Variants in PPM1L observed in about 807,000 individuals in gnomAD.
The protein encoded by PPM1L is protein phosphatase, Mg2+/Mn2+ dependent 1L.
A neutral mutation model predicts 31.4 loss-of-function variants in PPM1L; 13 were observed. That is an observed-to-expected ratio of 0.41 (90% CI 0.27 to 0.66). The LOEUF (loss-of-function observed/expected upper bound fraction) is 0.66, where lower values mean the gene tolerates loss of function less well. Ranked by LOEUF, PPM1L falls within the 30% of genes least tolerant of loss-of-function variation. The pLI, the probability that PPM1L is intolerant of heterozygous loss-of-function variation, is 0.29. For synonymous variants in PPM1L, 184 were observed against 175.4 expected (o/e 1.05, Z -0.39); for missense variants, 326 against 453.7 (o/e 0.72, Z 2.56).
At chr3:160,969,659 C>G (rs933981295) in intron 2 of PPM1L, among the ~76,000 whole-genome samples, 4 of 152,166 alleles carry the variant, frequency 2.6e-5, no homozygotes, top group Admixed American at 2.0e-4. Context: ...TTTATATCTT[C>G]AATCAGGACC....
chr3:160,960,219 A>C (rs1715907448), intron 1 of PPM1L, among the ~76,000 whole-genome samples: 1 of 152,318 alleles, frequency 6.6e-6, no homozygotes, highest in African/African-American at 2.4e-5. Flanking sequence ...ATAGCTGTAC[A>C]GAATTTTAAA....
intron 2 of PPM1L, among the ~76,000 whole-genome samples, chr3:161,005,434 A>G (rs975539376): frequency 3.3e-5 from 5 of 152,210 alleles, no homozygotes; most frequent in Admixed American, 2.6e-4. Flanking sequence ...TATGAGAGGT[A>G]CAGGTTTTCT....
chr3:161,031,951 C>G (rs1173819116), intron 2 of PPM1L, among the ~76,000 whole-genome samples: 4 of 152,296 alleles, frequency 2.6e-5, no homozygotes, highest in Non-Finnish European at 5.9e-5. Context: ...GTAGCATCTT[C>G]CTCTGCCTGT....
chr3:160,865,650 C>CT (rs1477997622), intron 1 of PPM1L, among the ~76,000 whole-genome samples: 2 of 152,152 alleles, frequency 1.3e-5, no homozygotes, highest in African/African-American at 4.8e-5. Context: ...TGGCGTGCGC[C>CT]TGTAGTCCCA....
intron 2 of PPM1L, among the ~76,000 whole-genome samples, chr3:161,043,697 C>A (rs1191672607): frequency 6.6e-6 from 1 of 152,186 alleles, no homozygotes; most frequent in African/African-American, 2.4e-5. Flanking sequence ...TAATATAATT[C>A]AGGACCCTTG....
At chr3:160,922,930 A>G (rs1370531276) in intron 1 of PPM1L, among the ~76,000 whole-genome samples, 4 of 152,214 alleles carry the variant, frequency 2.6e-5, no homozygotes, top group Non-Finnish European at 4.4e-5. Context: ...GGATAATAAA[A>G]GGGCAGGTAC....
chr3:160,953,496 G>A (rs1450320686), intron 1 of PPM1L, among the ~76,000 whole-genome samples: 2 of 152,142 alleles, frequency 1.3e-5, no homozygotes, highest in African/African-American at 4.8e-5. Context: ...AATGAGTAAC[G>A]TAACAAAATG....
At chr3:160,960,416 G>A (rs1715915849) in intron 1 of PPM1L, among the ~76,000 whole-genome samples, 1 of 152,014 alleles carries the variant, frequency 6.6e-6, no homozygotes, top group Non-Finnish European at 1.5e-5. Context: ...ACACCTTACT[G>A]ATAACCATAG....
chr3:160,881,785 C>T (rs1307918969), intron 1 of PPM1L, among the ~76,000 whole-genome samples: 1 of 152,200 alleles, frequency 6.6e-6, no homozygotes, highest in Non-Finnish European at 1.5e-5. Context: ...GGCGCGGTGG[C>T]TCACGCCTGT....
chr3:160,898,983 C>G (rs2108051940), intron 1 of PPM1L, among the ~76,000 whole-genome samples: 1 of 152,276 alleles, frequency 6.6e-6, no homozygotes, highest in South Asian at 2.1e-4. Flanking sequence ...TGCTACTCAC[C>G]TATGTCTTAG....
chr3:160,965,697 C>A (rs546594056), intron 2 of PPM1L, among the ~76,000 whole-genome samples: 4 of 152,062 alleles, frequency 2.6e-5, no homozygotes, highest in Non-Finnish European at 5.9e-5. Flanking sequence ...TGCTCATTTG[C>A]TTCAACTGTT....
intron 1 of PPM1L, among the ~76,000 whole-genome samples, chr3:160,886,004 T>C (rs62270271): frequency 1.3e-5 from 2 of 152,288 alleles, no homozygotes; most frequent in Admixed American, 1.3e-4. Flanking sequence ...GGCCACACTT[T>C]GCTTTTCCCC....
intron 2 of PPM1L, among the ~76,000 whole-genome samples, chr3:160,988,500 C>T (rs1248929090): frequency 2.0e-5 from 3 of 152,110 alleles, no homozygotes; most frequent in African/African-American, 7.2e-5. Context: ...AACATTTTTC[C>T]TCTGAGATCC....
At position 161,053,727 on chromosome 3, in the gene PPM1L, C is replaced by T. The variant is rs143227843; in HGVS notation, c.575-11676C>T. Among the ~76,000 whole-genome samples, 34 of 152,282 alleles carry T rather than the reference C, an allele frequency of 2.2e-4. 1 individual carries two copies. In the South Asian group the frequency reaches 3.7e-3, roughly 17 times the overall value. On this transcript the variant is annotated intron_variant, in intron 2 of 3. Coordinates refer to ENST00000498165, the MANE Select transcript of PPM1L (RefSeq NM_139245.4). Reference sequence around the variant, plus strand: ...ATTTGTGGAAAAGGTCTTTCTGGCACTCATCCCCTGTTTCTCAATTTATTG... The same window carrying T: ...ATTTGTGGAAAAGGTCTTTCTGGCATTCATCCCCTGTTTCTCAATTTATTG...
intron 1 of PPM1L, among the ~76,000 whole-genome samples, chr3:160,791,773 C>T (rs75325678): frequency 0.015 from 2,334 of 152,176 alleles, 63 homozygotes; most frequent in African/African-American, 0.054. Context: ...TGAAAAAGGC[C>T]TCTTGGATAA....
intron 1 of PPM1L, among the ~76,000 whole-genome samples, chr3:160,930,131 G>A (rs1220619014): frequency 7.2e-5 from 11 of 152,158 alleles, no homozygotes; most frequent in Admixed American, 6.5e-4. Context: ...GTGGGTTAGG[G>A]CTTTTTAGAA....
At chr3:160,966,739 A>G (rs957328923) in intron 2 of PPM1L, among the ~76,000 whole-genome samples, 1 of 152,086 alleles carries the variant, frequency 6.6e-6, no homozygotes, top group African/African-American at 2.4e-5. Flanking sequence ...ATCACTGAAA[A>G]CAGTAAGTAG....
At chr3:161,018,141 G>A (rs975828940) in intron 2 of PPM1L, among the ~76,000 whole-genome samples, 8 of 152,124 alleles carry the variant, frequency 5.3e-5, no homozygotes, top group African/African-American at 1.9e-4. Context: ...GCATGTGTTA[G>A]CCTCCTCACA....
At chr3:160,868,069 C>T (rs1356082926) in intron 1 of PPM1L, among the ~76,000 whole-genome samples, 1 of 152,052 alleles carries the variant, frequency 6.6e-6, no homozygotes, top group Non-Finnish European at 1.5e-5. Context: ...TTATATAAAC[C>T]TTAGACTGAT....
Sources: gnomAD v4.1 joint callset for allele counts (sites outside exome capture counted in the v4.1 genomes callset) on GRCh38, gnomAD v4.1.1 for gene constraint, MANE v1.5 for transcripts, NCBI Gene and HGNC (gene_info 2026-07-23, HGNC 2026-07-21) for gene names.